The following SYNCRIP variants were observed in gnomAD, a reference collection of about 807,000 sequenced individuals.
The protein encoded by SYNCRIP is heterogeneous nuclear ribonucleoprotein Q.
Under a neutral mutation model 68.9 loss-of-function variants are expected in SYNCRIP, and 9 were observed. The ratio of observed to expected loss-of-function variants is 0.13; its 90% CI spans 0.08 to 0.23. SYNCRIP has a LOEUF of 0.23. Ranked by LOEUF, SYNCRIP falls within the 10% of genes least tolerant of loss-of-function variation. SYNCRIP has a pLI of 1.00. For synonymous variants in SYNCRIP, 258 were observed against 254.0 expected, an observed-to-expected ratio of 1.02 and a Z score of -0.15; for missense variants, 414 against 770.6, an observed-to-expected ratio of 0.54 and a Z score of 5.48.
At chr6:85,636,589 T>C (rs558834174) in intron 6 of SYNCRIP, among the ~76,000 whole-genome samples, 27 of 152,368 alleles carry the variant, frequency 1.8e-4, no homozygotes, top group Admixed American at 4.6e-4. Context: ...TGTATCACAA[T>C]GTCTTTTGTG....
intron 6 of SYNCRIP, among the ~76,000 whole-genome samples, chr6:85,624,576 C>T (rs1806821983): frequency 6.6e-6 from 1 of 152,150 alleles, no homozygotes; most frequent in African/African-American, 2.4e-5. Context: ...AAAAAAACAG[C>T]TTTTATTTCT....
At chr6:85,617,029 G>A (rs1805854016) in intron 10 of SYNCRIP, among the ~76,000 whole-genome samples, 2 of 152,044 alleles carry the variant, frequency 1.3e-5, no homozygotes, top group African/African-American at 4.8e-5. Flanking sequence ...AAAATTATGG[G>A]AGACTAGACT....
rs2128286909 is a variant in SYNCRIP at position 85,624,079 on chromosome 6, T to C, written c.700A>G (p.Ile234Val). Residue 234 changes from isoleucine (I) to valine (V), a missense_variant, in exon 7 of 11, where the codon ATT (isoleucine) becomes GTT (valine). Ile to Val is a conservative substitution (Grantham distance 29). Transcript: ENST00000369622. ...NNHEIRSGKH[I>V]GVCISVANNR... ...TTGGCAACTGAGATGCAGACACCAA[T>C]ATGTTTTCCAGAACGAATTTCATGA... 3 of 1,613,844 alleles carry C rather than the reference T, an allele frequency of 1.9e-6. No individual in the cohort carries two copies. The highest frequency in any genetic ancestry group is 2.5e-6 in the Non-Finnish European group (3 of 1,179,894).
rs572909849 is a variant in SYNCRIP, at chr6:85,623,562, C to CCAAAAAA, written c.802+414_802+415insTTTTTTG. Among the ~76,000 whole-genome samples, 134 of 63,242 alleles carry CCAAAAAA rather than the reference C, an allele frequency of 2.1e-3. 2 individuals are homozygous for CCAAAAAA. The highest frequency in any genetic ancestry group is 8.2e-3 in the Middle Eastern group (1 of 122). The allele number at this position is 63,242 out of a possible 152,430, so 41.5% of individuals were successfully genotyped here. On this transcript the variant is annotated intron_variant, in intron 7 of 10. Transcript: ENST00000369622. ...CTGGGCAACAAAGCAAGACTGTCTC[C>CCAAAAAA]AAAAAAAAAAAAAAAAAAAAACACT...
intron 6 of SYNCRIP, among the ~76,000 whole-genome samples, chr6:85,625,877 T>C (rs887466791): frequency 2.0e-5 from 3 of 152,206 alleles, no homozygotes; most frequent in African/African-American, 4.8e-5. Context: ...AGGAGTGATT[T>C]TGCCCCCCAG....
chr6:85,608,938 T>C (rs1234033278), exon 12 of SYNCRIP: 2 of 152,018 alleles, frequency 1.3e-5, no homozygotes, highest in African/African-American at 4.8e-5. Context: ...AAAATGCCTG[T>C]GAGCACTGCT....
chr6:85,643,434 A>C (rs1008835014), upstream of SYNCRIP: 3 of 151,750 alleles, frequency 2.0e-5, no homozygotes, highest in Admixed American at 2.0e-4. Flanking sequence ...GGGGAGGCAC[A>C]AGACCCCGCC....
intron 8 of SYNCRIP, among the ~76,000 whole-genome samples, chr6:85,619,797 G>GTA (rs34228209): frequency 0.26 from 39,012 of 152,034 alleles, 6,445 homozygotes; most frequent in East Asian, 0.39. Context: ...ATGCAAAAGG[G>GTA]TATAGCCCCT....
intron 6 of SYNCRIP, among the ~76,000 whole-genome samples, chr6:85,626,584 C>T (rs567199005): frequency 3.9e-5 from 6 of 152,108 alleles, no homozygotes; most frequent in African/African-American, 1.4e-4. Context: ...CAAGAAAATA[C>T]ACCATTGAGA....
intron 4 of SYNCRIP, among the ~76,000 whole-genome samples, chr6:85,639,986 A>C (rs1808937442): frequency 6.6e-6 from 1 of 152,220 alleles, no homozygotes; most frequent in Non-Finnish European, 1.5e-5. Flanking sequence ...GTTTCTTTAT[A>C]CTAGGACTAC....
In SYNCRIP at chr6:85,625,358, T is replaced by C. The variant is rs12665757; in HGVS notation, c.667-1246A>G. Among the ~76,000 whole-genome samples the C allele has an allele frequency of 6.1e-4, 93 of 151,826 alleles. No individual in the cohort carries two copies. The East Asian group carries it at 0.016, about 27-fold the overall frequency. On this transcript the variant is annotated intron_variant, in intron 6 of 10. Coordinates refer to ENST00000369622, the MANE Select transcript of SYNCRIP (RefSeq NM_006372.5). Reference sequence around the variant, plus strand: ...CCTCTCTCTCTCAAATACCTTTTTATATCAACTCTTAAACATACAGGGTTT... The same window carrying C: ...CCTCTCTCTCTCAAATACCTTTTTACATCAACTCTTAAACATACAGGGTTT...
chr6:85,637,413 T>G, intron 4 of SYNCRIP, 57 bp from the exon 5 acceptor site: 1 of 1,125,290 alleles, frequency 8.9e-7, no homozygotes, highest in South Asian at 1.4e-5. Flanking sequence ...ACCCATATAT[T>G]TAGCAGTTAA....
At chr6:85,624,625 T>C (rs1370665181) in intron 6 of SYNCRIP, among the ~76,000 whole-genome samples, 1 of 152,246 alleles carries the variant, frequency 6.6e-6, no homozygotes, top group African/African-American at 2.4e-5. Flanking sequence ...ATTTTCATTA[T>C]GCATATAACA....
At chr6:85,625,897 G>A (rs1019212296) in intron 6 of SYNCRIP, among the ~76,000 whole-genome samples, 2 of 152,102 alleles carry the variant, frequency 1.3e-5, no homozygotes, top group African/African-American at 4.8e-5. Flanking sequence ...GAAGTCATTT[G>A]ACATTCTTGA....
At chr6:85,609,620 C>CA (rs1805093401), downstream of SYNCRIP, 1 of 151,870 alleles carries the variant, frequency 6.6e-6, no homozygotes, top group Non-Finnish European at 1.5e-5. Context: ...AAACCTTCCA[C>CA]AAAAAGCATG....
At chr6:85,612,754 G>A (rs911724862), downstream of SYNCRIP, 1 of 924,294 alleles carries the variant, frequency 1.1e-6, no homozygotes, top group Admixed American at 3.5e-5. Flanking sequence ...TTGATTCCAT[G>A]ATCTTCATAG....
At chr6:85,631,710 C>T (rs186498040) in intron 6 of SYNCRIP, among the ~76,000 whole-genome samples, 1 of 152,336 alleles carries the variant, frequency 6.6e-6, no homozygotes, top group Admixed American at 6.5e-5. Flanking sequence ...AGTTATCAGG[C>T]TACCTGGTGA....
chr6:85,640,386 T>C, intron 3 of SYNCRIP, 58 bp from the exon 4 acceptor site: 5 of 1,585,182 alleles, frequency 3.2e-6, no homozygotes, highest in Non-Finnish European at 4.3e-6. Context: ...CTAATAAAAT[T>C]CAGCAGATAG....
intron 6 of SYNCRIP, 95 bp downstream of exon 6, chr6:85,636,872 A>G: frequency 7.7e-7 from 1 of 1,298,726 alleles, no homozygotes; most frequent in Non-Finnish European, 1.1e-6. Flanking sequence ...CAGTACTTCA[A>G]AAAATGTTTG....
Sources: allele counts gnomAD v4.1 joint callset (sites outside exome capture counted in the v4.1 genomes callset), GRCh38; gene constraint gnomAD v4.1.1; transcripts MANE v1.5; gene names NCBI Gene and HGNC (gene_info 2026-07-23, HGNC 2026-07-21).